Variants in NTM observed in about 807,000 individuals in gnomAD.
The protein encoded by NTM is neurotrimin.
Under a neutral mutation model 42.1 loss-of-function variants are expected in NTM, and 13 were observed. The observed-to-expected ratio is 0.31, with a 90% CI of 0.20 to 0.49. The LOEUF (loss-of-function observed/expected upper bound fraction) is 0.49. NTM is among the 20% of genes least tolerant of loss of function. NTM has a pLI of 0.99. For missense variants in NTM, 373 were observed against 452.8 expected, an observed-to-expected ratio of 0.82 and a Z score of 1.60; for synonymous variants, 187 against 179.2, an observed-to-expected ratio of 1.04 and a Z score of -0.35.
At chr11:131,754,625 C>CAA (rs35686470) in intron 1 of NTM, among the ~76,000 whole-genome samples, 1,578 of 147,120 alleles carry the variant, frequency 0.011, 19 homozygotes, top group African/African-American at 0.025. Context: ...ACCCCAACTC[C>CAA]AAAAAAAAAA....
At chr11:131,868,390 G>A (rs1053595442) in intron 1 of NTM, among the ~76,000 whole-genome samples, 3 of 151,990 alleles carry the variant, frequency 2.0e-5, no homozygotes, top group Admixed American at 1.3e-4. Flanking sequence ...CTCCTAACTG[G>A]CCTCCCTGCC....
intron 1 of NTM, among the ~76,000 whole-genome samples, chr11:131,499,924 A>G (rs2046524805): frequency 6.6e-6 from 1 of 152,194 alleles, no homozygotes; most frequent in Non-Finnish European, 1.5e-5. Context: ...TCTCTTTGAG[A>G]AGCCACATCA....
intron 4 of NTM, among the ~76,000 whole-genome samples, chr11:132,291,661 A>G (rs1366047286): frequency 2.0e-5 from 3 of 152,174 alleles, no homozygotes; most frequent in Non-Finnish European, 4.4e-5. Flanking sequence ...CCCTGAGGAG[A>G]AGCCAGGAAA....
At chr11:131,465,719 C>T (rs748173955) in intron 1 of NTM, among the ~76,000 whole-genome samples, 92 of 152,162 alleles carry the variant, frequency 6.0e-4, no homozygotes, top group Admixed American at 8.5e-4. Context: ...CAAATTGGGC[C>T]ATTGTTAGCA....
At chr11:131,829,536 A>G (rs1260974729) in intron 1 of NTM, among the ~76,000 whole-genome samples, 2 of 152,148 alleles carry the variant, frequency 1.3e-5, no homozygotes, top group Non-Finnish European at 2.9e-5. Flanking sequence ...TTCCTATGGC[A>G]TAGTATTCCA....
intron 4 of NTM, among the ~76,000 whole-genome samples, chr11:132,303,778 G>C (rs998161874): frequency 6.6e-6 from 1 of 150,994 alleles, no homozygotes; most frequent in South Asian, 2.1e-4. Flanking sequence ...ATGAGAACTA[G>C]CATGGCCTGG....
chr11:132,056,426 G>A (rs990650943), intron 2 of NTM, among the ~76,000 whole-genome samples: 1 of 152,150 alleles, frequency 6.6e-6, no homozygotes, highest in African/African-American at 2.4e-5. Context: ...TAGCTTGATA[G>A]CTCCTAGCAT....
intron 1 of NTM, among the ~76,000 whole-genome samples, chr11:131,833,376 T>C (rs527836974): frequency 8.5e-4 from 129 of 152,346 alleles, no homozygotes; most frequent in African/African-American, 3.1e-3. Flanking sequence ...TCACATACAC[T>C]ACCTCATGTA....
Position 132,273,309 on chromosome 11 carries a change from G to GTTTT in NTM, c.527-34357_527-34354dup, listed in dbSNP as rs57877862. On this transcript the variant is annotated intron_variant, in intron 4 of 8. Transcript: ENST00000683400. ...TTGTTGCCAGGTTTTGTTGACTAGT[G>GTTTT]TTTTTTTTTTTTTTTTTTTTTTTTT... Among the ~76,000 whole-genome samples the GTTTT allele has an allele frequency of 1.3e-4, 7 of 55,656 alleles. 1 individual carries two copies. Among genetic ancestry groups the GTTTT allele is most frequent in the Non-Finnish European group, 1.2e-4 (4 of 34,378 alleles). The allele number at this position is 55,656 out of a possible 152,430, so 36.5% of individuals were successfully genotyped here. A position where few individuals can be genotyped will look rare whatever the true frequency, so the allele number is the denominator to read the frequency against.
intron 2 of NTM, among the ~76,000 whole-genome samples, chr11:131,925,558 G>A (rs2057834324): frequency 6.6e-6 from 1 of 151,730 alleles, no homozygotes. Flanking sequence ...GCTGATTTTT[G>A]TATTTTTTTG....
intron 1 of NTM, among the ~76,000 whole-genome samples, chr11:131,862,646 C>T (rs568569179): frequency 6.6e-6 from 1 of 152,250 alleles, no homozygotes; most frequent in East Asian, 1.9e-4. Context: ...GATTTTTGCT[C>T]ACATTGGAGT....
intron 1 of NTM, among the ~76,000 whole-genome samples, chr11:131,755,373 T>C (rs1316337448): frequency 6.6e-6 from 1 of 152,020 alleles, no homozygotes; most frequent in Non-Finnish European, 1.5e-5. Context: ...ACAATGACCT[T>C]CCCCTTGACT....
intron 4 of NTM, among the ~76,000 whole-genome samples, chr11:132,250,753 GT>G (rs1225246993): frequency 6.6e-6 from 1 of 151,194 alleles, no homozygotes; most frequent in Non-Finnish European, 1.5e-5. Context: ...CCTTTAATAG[GT>G]TTATTTTCCA....
intron 1 of NTM, among the ~76,000 whole-genome samples, chr11:131,516,698 T>C (rs1009196980): frequency 3.9e-5 from 6 of 152,132 alleles, no homozygotes; most frequent in Non-Finnish European, 7.4e-5. Flanking sequence ...AAGTTACACC[T>C]CCATTGTGAG....
chr11:131,830,739 A>G (rs548424799), intron 1 of NTM, among the ~76,000 whole-genome samples: 2 of 152,330 alleles, frequency 1.3e-5, no homozygotes, highest in South Asian at 4.1e-4. Context: ...AATAATGTTG[A>G]ATCTGTAGAT....
intron 1 of NTM, among the ~76,000 whole-genome samples, chr11:131,860,326 A>G (rs552672334): frequency 1.3e-5 from 2 of 152,300 alleles, no homozygotes; most frequent in African/African-American, 4.8e-5. Context: ...GCTGGATCAT[A>G]AGGGGTCAAG....
chr11:131,891,828 T>C (rs1043671598), intron 1 of NTM, among the ~76,000 whole-genome samples: 1 of 152,260 alleles, frequency 6.6e-6, no homozygotes, highest in African/African-American at 2.4e-5. Context: ...GTCCCATTTT[T>C]TCACTGGGCC....
intron 1 of NTM, among the ~76,000 whole-genome samples, chr11:131,435,423 C>A (rs1949042883): frequency 6.6e-6 from 1 of 152,186 alleles, no homozygotes; most frequent in Non-Finnish European, 1.5e-5. Context: ...TATCCATGAG[C>A]ATGGAATGTT....
intron 1 of NTM, among the ~76,000 whole-genome samples, chr11:131,447,865 T>A (rs1033312627): frequency 2.6e-5 from 4 of 152,214 alleles, no homozygotes; most frequent in Admixed American, 2.6e-4. Context: ...GCACCGCAGA[T>A]GAGGGCTCCC....
Sources: allele counts gnomAD v4.1 joint callset (sites outside exome capture counted in the v4.1 genomes callset), GRCh38; gene constraint gnomAD v4.1.1; transcripts MANE v1.5; gene names NCBI Gene and HGNC (gene_info 2026-07-23, HGNC 2026-07-21).